The following MAPT variants were observed in gnomAD, a reference collection of about 807,000 sequenced individuals.
MAPT encodes microtubule-associated protein tau.
A neutral mutation model predicts 67.9 loss-of-function variants in MAPT; 34 were observed. That is an observed-to-expected ratio of 0.50 (90% confidence interval 0.38 to 0.67). MAPT has a LOEUF of 0.67. MAPT is among the 30% of genes least tolerant of loss of function. The pLI is 0.00. For missense variants in MAPT, 881 were observed against 1,115.2 expected, an observed-to-expected ratio of 0.79 and a Z score of 2.99; for synonymous variants, 456 against 464.5, an observed-to-expected ratio of 0.98 and a Z score of 0.23.
chr17:45,934,532 T>C (rs999215243), intron 1 of MAPT, among the ~76,000 whole-genome samples: 1 of 152,192 alleles, frequency 6.6e-6, no homozygotes, highest in Non-Finnish European at 1.5e-5. Flanking sequence ...GCCATTTGGT[T>C]GAGAACGTAT....
chr17:45,978,609 T>C, intron 4 of MAPT, 169 bp downstream of exon 4: 1 of 603,006 alleles, frequency 1.7e-6, no homozygotes, highest in East Asian at 2.8e-5. Context: ...GAAAGAGCCC[T>C]AGTGGTTTTT....
chr17:45,902,218 C>T (rs1251930047), intron 1 of MAPT, among the ~76,000 whole-genome samples: 1 of 152,154 alleles, frequency 6.6e-6, no homozygotes, highest in African/African-American at 2.4e-5. Context: ...ACTACAGGTA[C>T]ACACCATAAT....
At chr17:46,021,779 G>C (rs890897530) in intron 12 of MAPT, among the ~76,000 whole-genome samples, 2 of 152,188 alleles carry the variant, frequency 1.3e-5, no homozygotes, top group African/African-American at 4.8e-5. Context: ...GGCTCCTTCT[G>C]TTTCAAACTC....
At position 45,990,010 on chromosome 17, in the gene MAPT, C is replaced by T. The variant is rs749992216; in HGVS notation, c.1540C>T (p.Pro514Ser). ...TGTGTGCCCAGAGCCACCTTCCTCT[C>T]CTAAATACGTCTCTTCTGTCACTTC... ...PAVCPEPPSS[P>S]KYVSSVTSRT... Residue 514 changes from proline (P) to serine (S), a missense_variant, in exon 7 of 13, where the codon CCT becomes TCT. Coordinates refer to ENST00000262410, the MANE Select transcript of MAPT (RefSeq NM_001377265.1). 3 of 1,614,176 alleles carry T rather than the reference C, an allele frequency of 1.9e-6. No homozygotes were observed. The highest frequency in any genetic ancestry group is 2.5e-6 in the Non-Finnish European group (3 of 1,180,044).
intron 6 of MAPT, among the ~76,000 whole-genome samples, chr17:45,988,517 C>T (rs1024774009): frequency 2.0e-5 from 3 of 152,190 alleles, no homozygotes; most frequent in Admixed American, 6.5e-5. Flanking sequence ...CCCCCAGCCC[C>T]GCCTCCATAG....
At chr17:45,912,937 G>A (rs2064902490) in intron 1 of MAPT, among the ~76,000 whole-genome samples, 1 of 152,180 alleles carries the variant, frequency 6.6e-6, no homozygotes, top group African/African-American at 2.4e-5. Flanking sequence ...ACTACCTCTA[G>A]ACAAAAGAGA....
intron 1 of MAPT, among the ~76,000 whole-genome samples, chr17:45,930,055 GC>G (rs1265673239): frequency 6.6e-6 from 1 of 152,170 alleles, no homozygotes; most frequent in East Asian, 1.9e-4. Context: ...GGGTGCATAA[GC>G]CCCACCATGC....
At chr17:45,937,558 T>G (rs546589310) in intron 1 of MAPT, among the ~76,000 whole-genome samples, 13 of 138,740 alleles carry the variant, frequency 9.4e-5, no homozygotes, top group Non-Finnish European at 1.7e-4. Flanking sequence ...ACCACTGCAC[T>G]CCAGCCTGGG....
intron 1 of MAPT, among the ~76,000 whole-genome samples, chr17:45,933,405 A>G (rs2067030420): frequency 6.6e-6 from 1 of 151,926 alleles, no homozygotes; most frequent in African/African-American, 2.4e-5. Context: ...CACCAGGCTA[A>G]GTTTTTGTAT....
At chr17:45,976,215 T>C (rs1255265497) in intron 3 of MAPT, 1 of 152,274 alleles carries the variant, frequency 6.6e-6, no homozygotes. Context: ...ACCTGTCCTT[T>C]GCTCTGCCCC....
At chr17:45,965,935 C>T (rs900962867) in intron 2 of MAPT, among the ~76,000 whole-genome samples, 1 of 152,164 alleles carries the variant, frequency 6.6e-6, no homozygotes, top group African/African-American at 2.4e-5. Context: ...ATGCTCAGAC[C>T]GTGGGCTGCC....
intron 11 of MAPT, among the ~76,000 whole-genome samples, chr17:46,016,383 T>C: frequency 1.5e-5 from 2 of 136,822 alleles, no homozygotes; most frequent in African/African-American, 2.9e-5. Flanking sequence ...GGAGTGAGAC[T>C]CCGTCTCAAA....
chr17:45,972,877 C>G (rs969442592), intron 3 of MAPT: 2 of 152,482 alleles, frequency 1.3e-5, no homozygotes, highest in African/African-American at 4.8e-5. Context: ...AGAGCTGGGT[C>G]TTACGGCCAC....
chr17:45,941,159 CGG>C (rs1486976025), intron 1 of MAPT, among the ~76,000 whole-genome samples: 2 of 152,168 alleles, frequency 1.3e-5, no homozygotes, highest in Admixed American at 6.5e-5. Context: ...CTCCTACCTA[CGG>C]GAAAACTGAA....
intron 1 of MAPT, among the ~76,000 whole-genome samples, chr17:45,956,048 A>G (rs937321186): frequency 3.3e-5 from 5 of 152,222 alleles, no homozygotes; most frequent in African/African-American, 1.2e-4. Flanking sequence ...CTTCCATTTA[A>G]ATGTATGCCT....
At chr17:45,993,660 C>T (rs575058251) in intron 8 of MAPT, among the ~76,000 whole-genome samples, 2 of 152,314 alleles carry the variant, frequency 1.3e-5, no homozygotes, top group African/African-American at 2.4e-5. Context: ...GTGATCCGCC[C>T]ACCTCGGCCT....
At chr17:46,022,303 G>T (rs55726761) in intron 12 of MAPT, among the ~76,000 whole-genome samples, 1 of 146,524 alleles carries the variant, frequency 6.8e-6, no homozygotes, top group African/African-American at 2.5e-5. Context: ...GCAGTGAGCT[G>T]AGATCGTGCC....
intron 1 of MAPT, among the ~76,000 whole-genome samples, chr17:45,933,799 C>T (rs1238933059): frequency 2.7e-5 from 4 of 150,826 alleles, no homozygotes; most frequent in African/African-American, 9.8e-5. Flanking sequence ...CTCTGGGTCT[C>T]TCAGTGCTCC....
chr17:45,904,606 C>T (rs1459216364), intron 1 of MAPT, among the ~76,000 whole-genome samples: 1 of 150,550 alleles, frequency 6.6e-6, no homozygotes. Context: ...GCAGGAGGAT[C>T]GCTTGAGCCC....
Sources: allele counts gnomAD v4.1 joint callset (sites outside exome capture counted in the v4.1 genomes callset), GRCh38; gene constraint gnomAD v4.1.1; transcripts MANE v1.5; gene names NCBI Gene and HGNC (gene_info 2026-07-23, HGNC 2026-07-21).